GSG1L: variants seen among roughly 807,000 people sequenced by gnomAD.
GSG1L encodes the protein germ cell-specific gene 1-like protein.
Under a neutral mutation model 42.1 loss-of-function variants are expected in GSG1L, and 24 were observed. The ratio of observed to expected loss-of-function variants is 0.57; its 90% CI spans 0.41 to 0.80. GSG1L has a LOEUF of 0.80. GSG1L is among the 30% of genes least tolerant of loss of function. GSG1L has a pLI of 0.00. For synonymous variants in GSG1L, 215 were observed against 203.5 expected (o/e 1.06, Z -0.48); for missense variants, 445 against 472.2 (o/e 0.94, Z 0.53).
chr16:27,935,913 T>C (rs978538188), intron 2 of GSG1L, among the ~76,000 whole-genome samples: 28 of 148,648 alleles, frequency 1.9e-4, no homozygotes, highest in African/African-American at 6.2e-4. Flanking sequence ...GCATCACAGA[T>C]GATGCTGCCT....
rs1378685837 is a variant in GSG1L at position 28,063,032 on chromosome 16, C to CG, written c.349+43dup. 7.4e-7 allele frequency: 1 copy of CG among 1,351,844 alleles called. No individual in the cohort carries two copies. The allele number at this position is 1,351,844 out of a possible 1,614,324, so 83.7% of individuals were successfully genotyped here. A position where few individuals can be genotyped will look rare whatever the true frequency, so the allele number is the denominator to read the frequency against. On this transcript the variant is annotated intron_variant, in intron 1 of 6. Coordinates refer to ENST00000447459, the MANE Select transcript of GSG1L (RefSeq NM_001109763.2). This position sits in a 1 kb window ranked among gnomAD's most constrained non-coding sequence, Gnocchi z 5.8. ...TCGGGCCTCGATGGCCGCGCCGCCC[C>CG]GGGGGAGCCGGAGCCGAGCTGGCCG...
At chr16:27,981,438 T>A (rs965228093) in intron 1 of GSG1L, among the ~76,000 whole-genome samples, 2 of 152,136 alleles carry the variant, frequency 1.3e-5, no homozygotes, top group Non-Finnish European at 1.5e-5. Flanking sequence ...GGGAAAAAAA[T>A]GCCAACAGAT....
intron 1 of GSG1L, among the ~76,000 whole-genome samples, chr16:28,050,433 T>G (rs1422500006): frequency 6.6e-6 from 1 of 152,156 alleles, no homozygotes; most frequent in Admixed American, 6.5e-5. Context: ...CCAGAAGGGC[T>G]GGGATTGGAG....
intron 1 of GSG1L, among the ~76,000 whole-genome samples, chr16:27,986,709 T>C (rs914472776): frequency 4.6e-5 from 7 of 152,306 alleles, no homozygotes; most frequent in Admixed American, 4.6e-4. Flanking sequence ...CTTCTTTCTT[T>C]TGGGGGACCC....
intron 2 of GSG1L, among the ~76,000 whole-genome samples, chr16:27,958,858 A>G (rs62033515): frequency 0.27 from 40,958 of 151,860 alleles, 6,432 homozygotes; most frequent in Non-Finnish European, 0.36. Context: ...TATATTTAGT[A>G]GAGACAGGAT....
At chr16:27,970,817 G>A (rs2085186364) in intron 1 of GSG1L, among the ~76,000 whole-genome samples, 1 of 152,046 alleles carries the variant, frequency 6.6e-6, no homozygotes, top group African/African-American at 2.4e-5. Flanking sequence ...TATCCATTTA[G>A]AGATGATTTA....
chr16:27,892,744 C>T (rs550903368), intron 2 of GSG1L, among the ~76,000 whole-genome samples: 201 of 143,708 alleles, frequency 1.4e-3, no homozygotes, highest in African/African-American at 4.7e-3. Flanking sequence ...GAGCTGAGAT[C>T]GCGCCATTGC....
chr16:28,012,438 G>C (rs537059286), intron 1 of GSG1L, among the ~76,000 whole-genome samples: 40 of 152,236 alleles, frequency 2.6e-4, no homozygotes, highest in Non-Finnish European at 1.5e-4. Context: ...GTGAACCGGT[G>C]ACAATATTGA....
chr16:27,874,765 CT>C (rs2083867079), intron 3 of GSG1L, among the ~76,000 whole-genome samples: 1 of 152,154 alleles, frequency 6.6e-6, no homozygotes, highest in Non-Finnish European at 1.5e-5. Flanking sequence ...GATCTGTATT[CT>C]TTATAATACA....
chr16:28,056,704 C>T (rs2086283114), intron 1 of GSG1L, among the ~76,000 whole-genome samples: 1 of 152,058 alleles, frequency 6.6e-6, no homozygotes, highest in Admixed American at 6.5e-5. Flanking sequence ...ATGCTGAGTC[C>T]TACGGCATTG....
chr16:27,889,642 T>C (rs2084100585), intron 2 of GSG1L, among the ~76,000 whole-genome samples: 1 of 152,206 alleles, frequency 6.6e-6, no homozygotes, highest in Non-Finnish European at 1.5e-5. Flanking sequence ...CAGGGTCCTG[T>C]CCTGTGGCTC....
chr16:27,965,520 C>CG (rs1262776872), intron 1 of GSG1L, among the ~76,000 whole-genome samples: 16 of 152,258 alleles, frequency 1.1e-4, no homozygotes, highest in African/African-American at 3.9e-4. Context: ...AAGCTCACTC[C>CG]GGACTCTGCT....
chr16:28,057,981 G>C (rs116702477), intron 1 of GSG1L, among the ~76,000 whole-genome samples: 8 of 152,142 alleles, frequency 5.3e-5, no homozygotes, highest in African/African-American at 9.7e-5. Context: ...GAAAGAAAAG[G>C]CCAGAAAGAG....
At chr16:27,998,317 A>C (rs761290316) in intron 1 of GSG1L, 3 of 152,206 alleles carry the variant, frequency 2.0e-5, no homozygotes, top group Admixed American at 6.5e-5. Flanking sequence ...TGCTTCATGA[A>C]TGTGTGTGTT....
intron 3 of GSG1L, among the ~76,000 whole-genome samples, chr16:27,870,335 C>A (rs968111006): frequency 6.7e-6 from 1 of 149,210 alleles, no homozygotes; most frequent in African/African-American, 2.5e-5. Context: ...TGTCTCCCTC[C>A]ATCTGTCTCT....
At chr16:27,965,106 C>G (rs186674279) in intron 1 of GSG1L, among the ~76,000 whole-genome samples, 89 of 152,264 alleles carry the variant, frequency 5.8e-4, no homozygotes, top group African/African-American at 2.0e-3. Flanking sequence ...GCAACCTCCA[C>G]CTCCTGGGTT....
intron 1 of GSG1L, among the ~76,000 whole-genome samples, chr16:27,979,761 A>AGAAAGAAAGAAG (rs2085302736): frequency 7.2e-6 from 1 of 138,458 alleles, no homozygotes; most frequent in Non-Finnish European, 1.6e-5. Context: ...AAAGAAAGAA[A>AGAAAGAAAGAAG]GAAAGAAGGA....
intron 2 of GSG1L, among the ~76,000 whole-genome samples, chr16:27,946,691 AGAAT>A (rs1567530216): frequency 3.5e-4 from 51 of 144,718 alleles, no homozygotes; most frequent in Non-Finnish European, 5.7e-4. Context: ...AAAGAAAGAA[AGAAT>A]TAAATGAAGC....
At chr16:28,015,407 A>C (rs1018277751) in intron 1 of GSG1L, among the ~76,000 whole-genome samples, 13 of 152,222 alleles carry the variant, frequency 8.5e-5, no homozygotes, top group African/African-American at 2.4e-5. Flanking sequence ...CAAAAGGCTG[A>C]GGTGGAAGGA....
Sources: gnomAD v4.1 joint callset for allele counts (sites outside exome capture counted in the v4.1 genomes callset) on GRCh38, gnomAD v4.1.1 for gene constraint, Gnocchi (gnomAD v3.1) non-coding constraint, MANE v1.5 for transcripts, NCBI Gene and HGNC (gene_info 2026-07-23, HGNC 2026-07-21) for gene names.